WDSUB1: variants seen among roughly 807,000 people sequenced by gnomAD.
WDSUB1 encodes WD repeat, sterile alpha motif and U-box domain containing 1, also known as WD repeat, SAM and U-box domain-containing protein 1.
WDSUB1 carries 49 observed loss-of-function variants against 53.9 expected under a neutral mutation model. The observed-to-expected ratio is 0.91, with a 90% CI of 0.72 to 1.15. The LOEUF (loss-of-function observed/expected upper bound fraction) is 1.15, where lower values mean the gene tolerates loss of function less well. Among genes scored for constraint, WDSUB1 ranks in the 50% most tolerant of loss-of-function variants. The probability of loss-of-function intolerance (pLI) is 0.00; values close to 1 mark genes in which losing one functional copy is unlikely to be tolerated. For missense variants in WDSUB1, 514 were observed against 562.0 expected (o/e 0.91, Z 0.86); for synonymous variants, 194 against 200.6 (o/e 0.97, Z 0.28).
At chr2:159,286,257 CA>C (rs1187828053) in intron 1 of WDSUB1, 1 of 153,504 alleles carries the variant, frequency 6.5e-6, no homozygotes, top group Non-Finnish European at 1.4e-5. Context: ...TTACACCCCC[CA>C]TGCACGAAAG....
chr2:159,237,868 AG>A (rs148254833), intron 10 of WDSUB1, among the ~76,000 whole-genome samples: 1 of 152,148 alleles, frequency 6.6e-6, no homozygotes, highest in Non-Finnish European at 1.5e-5. Context: ...GCTACAATGA[AG>A]TCTTATGCAT....
intron 3 of WDSUB1, 52 bp downstream of exon 3, chr2:159,279,709 G>T: frequency 6.6e-7 from 1 of 1,515,138 alleles, no homozygotes. Context: ...GTCATATACA[G>T]CACAAATTAC....
At chr2:159,259,986 A>G (rs968575942) in intron 5 of WDSUB1, 143 bp from the exon 6 acceptor site, 8 of 963,658 alleles carry the variant, frequency 8.3e-6, no homozygotes, top group Non-Finnish European at 1.2e-5. Context: ...CCTTTTGTTC[A>G]TATGCATGAA....
chr2:159,284,108 G>A (rs965231828), intron 1 of WDSUB1, among the ~76,000 whole-genome samples: 7 of 152,130 alleles, frequency 4.6e-5, no homozygotes, highest in Non-Finnish European at 8.8e-5. Context: ...CACCGTACCC[G>A]GCCAAGGGAG....
intron 4 of WDSUB1, among the ~76,000 whole-genome samples, chr2:159,273,057 A>T: frequency 6.6e-6 from 1 of 152,214 alleles, no homozygotes; most frequent in East Asian, 1.9e-4. Context: ...GAGGATAACA[A>T]GCATTTAACT....
chr2:159,276,209 G>A (rs1408795263), intron 3 of WDSUB1, among the ~76,000 whole-genome samples: 2 of 152,068 alleles, frequency 1.3e-5, no homozygotes, highest in Non-Finnish European at 2.9e-5. Context: ...TTACAGGCAT[G>A]TGCCACCACA....
rs138800715 is a variant in WDSUB1, at chr2:159,279,099, T to A, written c.583+662A>T. Among the ~76,000 whole-genome samples, 342 of 152,336 alleles carry A rather than the reference T, an allele frequency of 2.2e-3. 1 individual carries two copies. The highest frequency in any genetic ancestry group is 7.9e-3 in the African/African-American group (329 of 41,578). On this transcript the variant is annotated intron_variant, in intron 3 of 10. Transcript: ENST00000359774. The stretch of plus-strand genomic sequence containing the variant: ...TTCATCTACTACTACATTTTAAATT[T>A]TCCTAAGTGGCTTGCATTACGTTGT...
In WDSUB1 at chr2:159,256,219, C is replaced by T; in HGVS notation, c.1109G>A (p.Ser370Asn). Reference protein sequence around the residue: ...GKELLNLTKESLADDLKIESL... With the variant: ...GKELLNLTKENLADDLKIESL... The stretch of plus-strand genomic sequence containing the variant: ...ACCAATTTTCAAATCATCAGCCAGA[C>T]TTTCTTTTGTAAGATTCAACAGTTC... Residue 370 changes from serine (S) to asparagine (N), a missense_variant, in exon 9 of 11, where the codon AGT becomes AAT. By Grantham distance (46) the Ser-to-Asn change is conservative (BLOSUM62 1). Transcript: ENST00000359774. 1 of 1,600,512 alleles carries T rather than the reference C, an allele frequency of 6.2e-7. No individual in the cohort carries two copies. The highest frequency in any genetic ancestry group is 8.5e-7 in the Non-Finnish European group (1 of 1,175,658).
At chr2:159,283,333 G>A (rs981373712) in intron 1 of WDSUB1, among the ~76,000 whole-genome samples, 5 of 152,152 alleles carry the variant, frequency 3.3e-5, no homozygotes, top group Non-Finnish European at 5.9e-5. Flanking sequence ...AGATCATCCG[G>A]CATTAGATTC....
chr2:159,275,504 G>A, intron 4 of WDSUB1, 42 bp downstream of exon 4: 1 of 1,462,768 alleles, frequency 6.8e-7, no homozygotes, highest in Non-Finnish European at 9.3e-7. Context: ...ATTTTATCCA[G>A]ACCACAAATA....
chr2:159,261,913 T>A (rs1575466009), intron 5 of WDSUB1, among the ~76,000 whole-genome samples: 12 of 81,888 alleles, frequency 1.5e-4, no homozygotes, highest in South Asian at 3.5e-4. Flanking sequence ...TTTTTTTTTT[T>A]TTTTTTTTTT....
chr2:159,277,351 A>G (rs893545780), intron 3 of WDSUB1, among the ~76,000 whole-genome samples: 2 of 152,228 alleles, frequency 1.3e-5, no homozygotes, highest in Non-Finnish European at 2.9e-5. Context: ...AATGGCTGAG[A>G]GCAAAATATT....
intron 8 of WDSUB1, among the ~76,000 whole-genome samples, chr2:159,257,233 C>A (rs2061083551): frequency 6.6e-6 from 1 of 152,112 alleles, no homozygotes; most frequent in South Asian, 2.1e-4. Flanking sequence ...GACTCCTGGG[C>A]TCACGCAATC....
At chr2:159,238,955 T>C (rs1217573164) in intron 10 of WDSUB1, among the ~76,000 whole-genome samples, 1 of 152,186 alleles carries the variant, frequency 6.6e-6, no homozygotes, top group Non-Finnish European at 1.5e-5. Flanking sequence ...TTTTTGTTTT[T>C]ATGTAGGGTT....
chr2:159,272,972 G>A (rs2061472091), intron 4 of WDSUB1, among the ~76,000 whole-genome samples: 1 of 152,026 alleles, frequency 6.6e-6, no homozygotes, highest in Admixed American at 6.5e-5. Flanking sequence ...AGAAGGAAAA[G>A]GAAATACACG....
chr2:159,262,846 AAACAAAAAATCC>A (rs1259382135), intron 5 of WDSUB1, among the ~76,000 whole-genome samples: 1 of 152,192 alleles, frequency 6.6e-6, no homozygotes, highest in Non-Finnish European at 1.5e-5. Flanking sequence ...AACAACCACT[AAACAAAAAATCC>A]AACTGTTTGG....
chr2:159,255,324 A>G (rs1250125047), intron 9 of WDSUB1, among the ~76,000 whole-genome samples: 1 of 151,906 alleles, frequency 6.6e-6, no homozygotes, highest in Non-Finnish European at 1.5e-5. Context: ...AAAATTAGCC[A>G]GGCATGGTGG....
chr2:159,237,957 TTCC>T (rs1559520287), intron 10 of WDSUB1, among the ~76,000 whole-genome samples: 3 of 152,258 alleles, frequency 2.0e-5, no homozygotes, highest in East Asian at 3.8e-4. Context: ...GCCAACTTCC[TTCC>T]ATAGGAATTC....
At position 159,275,578 on chromosome 2, in the gene WDSUB1, T is replaced by G. The variant is rs16843852; in HGVS notation, c.644A>C (p.Lys215Thr). The G allele has an allele frequency of 0.071, 113,419 of 1,605,220 alleles. 9,497 individuals carry two copies. The highest frequency in any genetic ancestry group is 0.39 in the African/African-American group (28,834 of 74,028). ...ATGGGTAAAAGAAACAATCCAAATT[T>G]TGACTTGGCAATCCTGACCACATGA... ...LASCGQDCQV[K>T]IWIVSFTHIL... The change falls in exon 4 of 11, where the codon AAA becomes ACA. Residue 215 changes from lysine to threonine, a missense_variant. Lys to Thr is a moderately conservative substitution (Grantham distance 78, BLOSUM62 -1). Coordinates refer to ENST00000359774, the MANE Select transcript of WDSUB1 (RefSeq NM_001128212.3).
Sources: allele counts gnomAD v4.1 joint callset (sites outside exome capture counted in the v4.1 genomes callset), GRCh38; gene constraint gnomAD v4.1.1; transcripts MANE v1.5; gene names NCBI Gene and HGNC (gene_info 2026-07-23, HGNC 2026-07-21).